Variants in BANK1 observed in about 807,000 individuals in gnomAD.
The protein encoded by BANK1 is B-cell scaffold protein with ankyrin repeats.
BANK1 carries 95 observed loss-of-function variants against 94.5 expected under a neutral mutation model. The ratio of observed to expected loss-of-function variants is 1.00; its 90% CI spans 0.85 to 1.19. The LOEUF is 1.19. BANK1 is among the 50% of genes most tolerant of loss of function. BANK1 has a pLI of 0.00. For missense variants in BANK1, 987 were observed against 932.2 expected, an observed-to-expected ratio of 1.06 and a Z score of -0.77; for synonymous variants, 334 against 308.4, an observed-to-expected ratio of 1.08 and a Z score of -0.87.
intron 7 of BANK1, among the ~76,000 whole-genome samples, chr4:101,983,333 A>G (rs1027013): frequency 0.33 from 50,771 of 151,932 alleles, 9,756 homozygotes; most frequent in Non-Finnish European, 0.43. Flanking sequence ...TGCAGTGTTC[A>G]AAAGATCAGA....
rs996222843 is a variant in BANK1, at chr4:101,995,486, G to C, written c.1207-26028G>C. Among the ~76,000 whole-genome samples the C allele has an allele frequency of 6.6e-4, 100 of 152,162 alleles. 1 individual carries two copies. Among genetic ancestry groups the C allele is most frequent in the African/African-American group, 2.3e-3 (94 of 41,478 alleles). ...AGTAATGGGATTGCTGGGTCAAATG[G>C]TATTTCCAGTTCTAGATCCCTGAGG... On this transcript the variant is annotated intron_variant, in intron 7 of 16. Coordinates refer to ENST00000322953, the MANE Select transcript of BANK1 (RefSeq NM_017935.5).
intron 15 of BANK1, among the ~76,000 whole-genome samples, chr4:102,073,226 T>G (rs1728814228): frequency 7.2e-6 from 1 of 138,570 alleles, no homozygotes; most frequent in Non-Finnish European, 1.6e-5. Context: ...GCTGTGTGTA[T>G]GTGCATATAT....
chr4:102,032,265 T>G (rs937015690), intron 10 of BANK1: 1 of 152,198 alleles, frequency 6.6e-6, no homozygotes, highest in Non-Finnish European at 1.5e-5. Context: ...TGGAATCCCA[T>G]GTTGTGTTCG....
intron 13 of BANK1, among the ~76,000 whole-genome samples, chr4:102,063,708 G>A (rs1471598708): frequency 6.6e-6 from 1 of 151,338 alleles, no homozygotes; most frequent in African/African-American, 2.4e-5. Flanking sequence ...TGTAATCCCA[G>A]CTACTCGGGA....
intron 6 of BANK1, 57 bp downstream of exon 6, chr4:101,895,467 C>A: frequency 9.3e-7 from 1 of 1,069,574 alleles, no homozygotes. Flanking sequence ...TTCTATGTAA[C>A]TCTTTAATGA....
chr4:101,796,743 C>A (rs530563957), intron 1 of BANK1, among the ~76,000 whole-genome samples: 105 of 152,246 alleles, frequency 6.9e-4, no homozygotes, highest in African/African-American at 2.4e-3. Flanking sequence ...GTTTTGTTAA[C>A]AGGATATTTT....
intron 7 of BANK1, among the ~76,000 whole-genome samples, chr4:101,922,527 T>C (rs1359350205): frequency 6.6e-6 from 1 of 151,824 alleles, no homozygotes; most frequent in Non-Finnish European, 1.5e-5. Flanking sequence ...AGAAGGTTGG[T>C]GTCCAATTGA....
At chr4:101,866,718 A>G (rs1728084309) in intron 4 of BANK1, among the ~76,000 whole-genome samples, 1 of 52,804 alleles carries the variant, frequency 1.9e-5, no homozygotes, top group Non-Finnish European at 3.7e-5. Context: ...ATGCACACGT[A>G]TGTTTATTGC....
At chr4:101,920,115 G>T (rs1722952011) in intron 7 of BANK1, among the ~76,000 whole-genome samples, 1 of 151,792 alleles carries the variant, frequency 6.6e-6, no homozygotes, top group Non-Finnish European at 1.5e-5. Flanking sequence ...GCAAACTATC[G>T]CAAGGACAAA....
intron 11 of BANK1, among the ~76,000 whole-genome samples, chr4:102,044,477 TGCC>T (rs1434456925): frequency 6.6e-6 from 1 of 150,530 alleles, no homozygotes; most frequent in African/African-American, 2.4e-5. Context: ...TTGTGAATAA[TGCC>T]GCAATAAACA....
chr4:101,854,400 C>T (rs183624364), intron 2 of BANK1, among the ~76,000 whole-genome samples: 1 of 152,232 alleles, frequency 6.6e-6, no homozygotes, highest in East Asian at 1.9e-4. Flanking sequence ...TATGCTGCTT[C>T]TTTGAGATTC....
chr4:101,877,941 A>T (rs1162636410), intron 5 of BANK1, among the ~76,000 whole-genome samples: 5 of 152,170 alleles, frequency 3.3e-5, no homozygotes, highest in Admixed American at 6.5e-5. Context: ...AACCAAAATA[A>T]ATACAATGGG....
intron 1 of BANK1, among the ~76,000 whole-genome samples, chr4:101,806,589 G>A (rs899552973): frequency 6.6e-6 from 1 of 152,078 alleles, no homozygotes; most frequent in Admixed American, 6.6e-5. Context: ...GCAATATTAT[G>A]TATATTGATA....
chr4:102,036,373 G>T lies in BANK1; in HGVS notation c.1900+6108G>T, dbSNP rs567370589. Among the ~76,000 whole-genome samples the T allele has an allele frequency of 7.2e-5, 11 of 152,286 alleles. No individual in the cohort carries two copies. The South Asian group carries it at 2.1e-3, about 29-fold the overall frequency. ...AAAAAAGACCTTGTAGAAACTGTTA[G>T]GAAAATTTATTCATATCATTGTAAA... On this transcript the variant is annotated intron_variant, in intron 10 of 16. Coordinates refer to ENST00000322953, the MANE Select transcript of BANK1 (RefSeq NM_017935.5).
At chr4:101,866,552 T>A (rs1219578863) in intron 4 of BANK1, among the ~76,000 whole-genome samples, 1 of 152,062 alleles carries the variant, frequency 6.6e-6, no homozygotes, top group East Asian at 1.9e-4. Flanking sequence ...ATTCGAACTG[T>A]AGAAAACTGA....
chr4:101,986,167 G>A (rs911483292), intron 7 of BANK1, among the ~76,000 whole-genome samples: 5 of 152,162 alleles, frequency 3.3e-5, no homozygotes, highest in African/African-American at 1.2e-4. Flanking sequence ...ATGTGAGAAA[G>A]GCACCAATAA....
intron 1 of BANK1, among the ~76,000 whole-genome samples, chr4:101,793,519 G>A (rs1024660357): frequency 5.9e-5 from 9 of 152,154 alleles, no homozygotes; most frequent in Admixed American, 1.3e-4. Flanking sequence ...CATATTCAAA[G>A]TTACACTTGG....
intron 7 of BANK1, among the ~76,000 whole-genome samples, chr4:101,970,886 T>G (rs1286013794): frequency 6.6e-6 from 1 of 152,090 alleles, no homozygotes; most frequent in East Asian, 1.9e-4. Flanking sequence ...CTATGATCAT[T>G]TAAAAATTTT....
At chr4:101,977,901 A>G (rs1368624067) in intron 7 of BANK1, among the ~76,000 whole-genome samples, 1 of 152,126 alleles carries the variant, frequency 6.6e-6, no homozygotes, top group Admixed American at 6.6e-5. Flanking sequence ...TCAAATTTCA[A>G]CAAATACCAA....
Sources: gnomAD v4.1 joint callset for allele counts (sites outside exome capture counted in the v4.1 genomes callset) on GRCh38, gnomAD v4.1.1 for gene constraint, MANE v1.5 for transcripts, NCBI Gene and HGNC (gene_info 2026-07-23, HGNC 2026-07-21) for gene names.